The following TADA3 variants were observed in gnomAD, a reference collection of about 807,000 sequenced individuals.
The protein encoded by TADA3 is transcriptional adapter 3.
A neutral mutation model predicts 43.2 loss-of-function variants in TADA3; 25 were observed. The observed-to-expected ratio is 0.58, with a 90% confidence interval of 0.42 to 0.81. TADA3 has a LOEUF of 0.81. TADA3 is among the 30% of genes least tolerant of loss of function. TADA3 has a pLI of 0.00. For missense variants in TADA3, 441 were observed against 567.8 expected (o/e 0.78, Z 2.27); for synonymous variants, 235 against 225.5 (o/e 1.04, Z -0.38).
At chr3:9,787,383 G>T (rs773355233) in intron 4 of TADA3, 43 bp from the exon 5 acceptor site, 1 of 1,562,170 alleles carries the variant, frequency 6.4e-7, no homozygotes, top group Non-Finnish European at 8.6e-7. Flanking sequence ...GTAAGCACTG[G>T]CCAGCCATGC....
At chr3:9,792,760 CGTCCGCTTCGGCTT>C (rs983419804), upstream of TADA3, 2 of 1,245,630 alleles carry the variant, frequency 1.6e-6, no homozygotes, top group African/African-American at 3.1e-5. Flanking sequence ...ACGAAGGGCT[CGTCCGCTTCGGCTT>C]GTCCTAATTT....
chr3:9,790,629 A>C (rs1376522952), intron 2 of TADA3, among the ~76,000 whole-genome samples: 1 of 152,252 alleles, frequency 6.6e-6, no homozygotes, highest in Non-Finnish European at 1.5e-5. Flanking sequence ...TTATGCAGTG[A>C]ATAAAGTCAT....
chr3:9,783,920 G>A, intron 8 of TADA3, 108 bp downstream of exon 8: 1 of 1,423,324 alleles, frequency 7.0e-7, no homozygotes, highest in Non-Finnish European at 9.2e-7. Context: ...AGGTGATTTA[G>A]AGGCCAGCCA....
In TADA3 at chr3:9,789,584, A is replaced by G; in HGVS notation, c.489T>C (p.Ala163=). The G allele has an allele frequency of 6.2e-7, 1 of 1,614,158 alleles. No individual in the cohort carries two copies. The highest frequency in any genetic ancestry group is 8.5e-7 in the Non-Finnish European group (1 of 1,180,018). ...RFWASVEPYC[A]DITSEEVRTL... The stretch of plus-strand genomic sequence containing the variant: ...TGCGGACCTCCTCGCTGGTGATGTC[A>G]GCACAGTAGGGCTCCACTGAAGCCC... Residue 163 remains alanine, a synonymous_variant, in exon 4 of 9, where the codon GCT becomes GCC. Coordinates refer to ENST00000301964, the MANE Select transcript of TADA3 (RefSeq NM_006354.5).
chr3:9,792,956 TC>T (rs1269035840), upstream of TADA3: 48 of 1,410,932 alleles, frequency 3.4e-5, no homozygotes, highest in Non-Finnish European at 4.3e-5. Context: ...GTGGAAAACT[TC>T]CGGAAGGCCC....
chr3:9,783,396 T>G (rs2078526137), intron 8 of TADA3: 1 of 151,770 alleles, frequency 6.6e-6, no homozygotes, highest in African/African-American at 2.4e-5. Flanking sequence ...CTCAGCTCAC[T>G]GCAACCTCCG....
In TADA3 at chr3:9,789,693, T is replaced by A. The variant is rs1245552759; in HGVS notation, c.458+20A>T. On this transcript the variant is annotated intron_variant, in intron 3 of 8. Transcript: ENST00000301964. ...CCACCAGAACCTTGAGGCCCCCTTC[T>A]ATGTTCTCTAGCCCAGAACCTGTTG... 3 of 1,609,926 alleles carry A rather than the reference T, an allele frequency of 1.9e-6. No individual in the cohort carries two copies. The highest frequency in any genetic ancestry group is 1.3e-5 in the African/African-American group (1 of 74,754).
intron 7 of TADA3, among the ~76,000 whole-genome samples, chr3:9,784,638 G>C (rs1210404597): frequency 6.6e-6 from 1 of 151,994 alleles, no homozygotes; most frequent in Non-Finnish European, 1.5e-5. Flanking sequence ...GCCGAGGTGG[G>C]AGGATCACCT....
At chr3:9,790,636 T>C (rs1435435844) in intron 2 of TADA3, among the ~76,000 whole-genome samples, 1 of 152,236 alleles carries the variant, frequency 6.6e-6, no homozygotes, top group East Asian at 1.9e-4. Flanking sequence ...GTGAATAAAG[T>C]CATCAGAGTA....
At chr3:9,785,010 T>C (rs1275622424) in intron 7 of TADA3, among the ~76,000 whole-genome samples, 3 of 152,260 alleles carry the variant, frequency 2.0e-5, no homozygotes, top group Non-Finnish European at 2.9e-5. Flanking sequence ...TATTTCTCTA[T>C]ACTTGCAGCT....
At chr3:9,787,444 C>T in intron 4 of TADA3, 104 bp from the exon 5 acceptor site, 4 of 1,454,388 alleles carry the variant, frequency 2.8e-6, no homozygotes, top group Non-Finnish European at 3.7e-6. Context: ...AGTCCCTAGT[C>T]CAAGGCCAAG....
chr3:9,788,590 AAT>A (rs1254095966), intron 4 of TADA3, among the ~76,000 whole-genome samples: 1 of 150,850 alleles, frequency 6.6e-6, no homozygotes, highest in African/African-American at 2.4e-5. Context: ...CCCAGGCTGG[AAT>A]ACAGTGGCAC....
intron 2 of TADA3, among the ~76,000 whole-genome samples, chr3:9,790,691 G>C (rs1260908157): frequency 6.6e-6 from 1 of 152,126 alleles, no homozygotes; most frequent in Non-Finnish European, 1.5e-5. Flanking sequence ...TCTGGCATTG[G>C]GCTGAGTTTT....
chr3:9,792,868 G>A, upstream of TADA3: 2 of 1,378,024 alleles, frequency 1.5e-6, no homozygotes, highest in Non-Finnish European at 1.9e-6. Context: ...AAGGCACAAA[G>A]GGAAGCTGCA....
At chr3:9,791,167 C>A (rs1476501271) in intron 2 of TADA3, 93 bp downstream of exon 2, 2 of 1,324,574 alleles carry the variant, frequency 1.5e-6, no homozygotes, top group Admixed American at 2.2e-5. Context: ...AACCCCTGTA[C>A]CCCAAGTCTC....
chr3:9,791,806 C>T (rs1378735393), intron 1 of TADA3, among the ~76,000 whole-genome samples: 3 of 151,576 alleles, frequency 2.0e-5, no homozygotes, highest in South Asian at 2.1e-4. Flanking sequence ...ATTTGAACCC[C>T]GCTAGTCTTG....
rs1305315422 is a variant in TADA3 at position 9,791,493 on chromosome 3, G to A, written c.-27C>T. The A allele has an allele frequency of 3.2e-6, 5 of 1,568,810 alleles. No individual in the cohort carries two copies. The highest frequency in any genetic ancestry group is 4.4e-6 in the Non-Finnish European group (5 of 1,147,318). ...GCCCAGGATATGGGGATCCTGTGGA[G>A]CTGGAGAGGACAGGGCCATTGATGG... On this transcript the variant is annotated splice_region_variant and 5_prime_UTR_variant, in exon 2 of 9. Coordinates refer to ENST00000301964, the MANE Select transcript of TADA3 (RefSeq NM_006354.5).
At position 9,784,182 on chromosome 3, in the gene TADA3, T is replaced by G. The variant is rs1174185546; in HGVS notation, c.952A>C (p.Ile318Leu). 6.2e-7 allele frequency: 1 copy of G among 1,613,734 alleles called. No individual in the cohort carries two copies. The highest frequency in any genetic ancestry group is 8.5e-7 in the Non-Finnish European group (1 of 1,179,834). Residue 318 changes from isoleucine to leucine, a missense_variant, in exon 8 of 9, where the codon ATC (isoleucine) becomes CTC (leucine). Transcript: ENST00000301964. ...VPHTKSLESR[I>L]KEELIAQGLL... ...CCCTGGGCAATTAGCTCCTCCTTGA[T>G]GCGGCTCTCCAGGGACTTAGTATGC... is the stretch of plus-strand genomic sequence containing the variant.
At chr3:9,785,758 CAT>C (rs1323765826) in intron 6 of TADA3, among the ~76,000 whole-genome samples, 3 of 152,230 alleles carry the variant, frequency 2.0e-5, no homozygotes, top group African/African-American at 7.2e-5. Context: ...GTCCGAATGC[CAT>C]ACTCTTCTTT....
Sources: allele counts gnomAD v4.1 joint callset (sites outside exome capture counted in the v4.1 genomes callset), GRCh38; gene constraint gnomAD v4.1.1; transcripts MANE v1.5; gene names NCBI Gene and HGNC (gene_info 2026-07-23, HGNC 2026-07-21).